The following SCN8A variants were observed in gnomAD, a reference collection of about 807,000 sequenced individuals.
SCN8A encodes sodium voltage-gated channel alpha subunit 8.
SCN8A carries 30 observed loss-of-function variants against 184.1 expected under a neutral mutation model. The ratio of observed to expected loss-of-function variants is 0.16; its 90% CI spans 0.12 to 0.22. The LOEUF is 0.22. Ranked by LOEUF, SCN8A falls within the 10% of genes least tolerant of loss-of-function variation. The pLI, the probability that SCN8A is intolerant of heterozygous loss-of-function variation, is 1.00. For synonymous variants in SCN8A, 852 were observed against 907.0 expected, an observed-to-expected ratio of 0.94 and a Z score of 1.09; for missense variants, 1,057 against 2,498.9, an observed-to-expected ratio of 0.42 and a Z score of 12.30.
At chr12:51,635,440 G>A (rs1179123622) in intron 1 of SCN8A, among the ~76,000 whole-genome samples, 1 of 149,774 alleles carries the variant, frequency 6.7e-6, no homozygotes, top group Non-Finnish European at 1.5e-5. Context: ...CACAATGTCT[G>A]ACACATAGAA....
intron 5 of SCN8A, 72 bp downstream of exon 5, chr12:51,687,291 T>G: frequency 1.4e-5 from 22 of 1,559,216 alleles, no homozygotes; most frequent in Non-Finnish European, 1.9e-5. Context: ...CTGGGTCTGT[T>G]TGTAGGTGTG....
chr12:51,618,277 G>T (rs1227224422), intron 1 of SCN8A, among the ~76,000 whole-genome samples: 1 of 152,058 alleles, frequency 6.6e-6, no homozygotes, highest in East Asian at 1.9e-4. Flanking sequence ...TAGGGCAGGA[G>T]AGAGCAGGAA....
chr12:51,689,279 G>C, intron 6 of SCN8A, 183 bp downstream of exon 6: 1 of 591,610 alleles, frequency 1.7e-6, no homozygotes, highest in Non-Finnish European at 3.0e-6. Context: ...CTGAGTGCTT[G>C]CCAGGCATGC....
At chr12:51,655,427 G>C (rs772926637) in intron 1 of SCN8A, among the ~76,000 whole-genome samples, 2 of 151,508 alleles carry the variant, frequency 1.3e-5, no homozygotes, top group African/African-American at 2.4e-5. Flanking sequence ...TGTCACCCAG[G>C]CTGTAGTGCA....
intron 1 of SCN8A, among the ~76,000 whole-genome samples, chr12:51,644,320 G>A (rs529695502): frequency 2.0e-5 from 3 of 152,272 alleles, no homozygotes; most frequent in East Asian, 3.9e-4. Context: ...ACTGTGGGAC[G>A]TAGAGCAAAG....
intron 19 of SCN8A, among the ~76,000 whole-genome samples, chr12:51,772,395 CAA>C (rs67083627): frequency 0.86 from 121,224 of 141,642 alleles, 51,685 homozygotes; most frequent in East Asian, 0.97. Flanking sequence ...AACTCCATCT[CAA>C]AAAAAAAAAA....
intron 2 of SCN8A, among the ~76,000 whole-genome samples, chr12:51,675,520 T>C (rs1039526690): frequency 1.3e-5 from 2 of 152,148 alleles, no homozygotes; most frequent in Non-Finnish European, 2.9e-5. Flanking sequence ...GATTCGTTCA[T>C]TGATCTGAGG....
chr12:51,800,834 C>T (rs113851522), intron 26 of SCN8A, among the ~76,000 whole-genome samples: 1,812 of 152,274 alleles, frequency 0.012, 19 homozygotes, highest in Non-Finnish European at 0.017. Context: ...GGTAAAAGAC[C>T]GGAGGTCTCC....
Position 51,639,297 on chromosome 12 carries a change from C to A in SCN8A, c.-54-23467C>A, listed in dbSNP as rs963873784. ...GTCGTTTCCTGAGATGGAATCTCCT[C>A]CTGGTGAAGATGCTGTGAGGATTGT... On this transcript the variant is annotated intron_variant, in intron 1 of 26. Coordinates refer to ENST00000627620, the MANE Select transcript of SCN8A (RefSeq NM_001330260.2). 9.2e-5 allele frequency among the ~76,000 whole-genome samples: 14 copies of A among 152,296 alleles called. No individual in the cohort carries two copies. The East Asian group carries it at 2.7e-3, about 29-fold the overall frequency.
chr12:51,721,697 G>C lies in SCN8A; in HGVS notation c.1787G>C (p.Gly596Ala), dbSNP rs879267224. The C allele has an allele frequency of 6.3e-7, 1 of 1,590,272 alleles. No individual in the cohort carries two copies. The highest frequency in any genetic ancestry group is 8.6e-7 in the Non-Finnish European group (1 of 1,168,506). ...CACAGCACGGTGGAGGAGAGCGAGG[G>C]CCGCCGGGACTCCCTCTTCATCCCC... ...DEHSTVEESE[G>A]RRDSLFIPIR... Residue 596 changes from glycine (G) to alanine (A), a missense_variant, in exon 12 of 27, where the codon GGC (glycine) becomes GCC (alanine). This residue lies in a region of SCN8A where 322 missense variants were observed against 390.1 expected (regional missense o/e 0.83). Coordinates refer to ENST00000627620, the MANE Select transcript of SCN8A (RefSeq NM_001330260.2).
chr12:51,695,214 C>A (rs910226718), intron 6 of SCN8A, among the ~76,000 whole-genome samples: 2 of 152,026 alleles, frequency 1.3e-5, no homozygotes, highest in Non-Finnish European at 2.9e-5. Context: ...TTTATCTGAC[C>A]CTCTGTGAAG....
rs1267885885 is a variant in SCN8A at position 51,769,026 on chromosome 12, C to A, written c.3063C>A (p.Ala1021=). Residue 1021 remains alanine (A), a synonymous_variant, in exon 17 of 27, where the codon GCC becomes GCA. Coordinates refer to ENST00000627620, the MANE Select transcript of SCN8A (RefSeq NM_001330260.2). ...TAAAGGTGCACGCCTTCATGCAGGC[C>A]CACTTTAAGCAGCGTGAGGCTGATG... ...TKLKVHAFMQ[A]HFKQREADEV... 5 of 1,613,944 alleles carry A rather than the reference C, an allele frequency of 3.1e-6. No homozygotes were observed. Among genetic ancestry groups the A allele is most frequent in the Non-Finnish European group, 3.4e-6 (4 of 1,179,876 alleles).
At chr12:51,673,841 A>G (rs903869706) in intron 2 of SCN8A, among the ~76,000 whole-genome samples, 2 of 152,224 alleles carry the variant, frequency 1.3e-5, no homozygotes, top group Non-Finnish European at 2.9e-5. Flanking sequence ...AGTAAGTACA[A>G]GTGTTATAGG....
At chr12:51,666,324 C>T (rs756527698) in intron 2 of SCN8A, among the ~76,000 whole-genome samples, 1 of 152,150 alleles carries the variant, frequency 6.6e-6, no homozygotes, top group East Asian at 1.9e-4. Context: ...TAAGAAACAA[C>T]AAGAAGATCA....
intron 25 of SCN8A, among the ~76,000 whole-genome samples, chr12:51,793,431 T>TA (rs913116613): frequency 1.3e-5 from 2 of 152,016 alleles, no homozygotes; most frequent in African/African-American, 4.8e-5. Context: ...TTGAGATGCT[T>TA]ATGAGTCATC....
chr12:51,785,855 C>T (rs1356278349), intron 21 of SCN8A, among the ~76,000 whole-genome samples: 1 of 152,120 alleles, frequency 6.6e-6, no homozygotes, highest in Non-Finnish European at 1.5e-5. Context: ...ATTAGCCAAG[C>T]AGGGAGCGAC....
intron 12 of SCN8A, among the ~76,000 whole-genome samples, chr12:51,734,360 C>G (rs955241176): frequency 6.6e-6 from 1 of 152,222 alleles, no homozygotes; most frequent in African/African-American, 2.4e-5. Flanking sequence ...TTATTAGTAG[C>G]AAACCAGTCA....
intron 1 of SCN8A, among the ~76,000 whole-genome samples, chr12:51,635,967 A>G (rs143243335): frequency 6.4e-4 from 97 of 152,264 alleles, no homozygotes; most frequent in Non-Finnish European, 3.7e-4. Flanking sequence ...CCTTTCCCCA[A>G]AGATAACTAC....
intron 6 of SCN8A, among the ~76,000 whole-genome samples, chr12:51,693,669 T>C (rs1941547382): frequency 6.6e-6 from 1 of 151,674 alleles, no homozygotes; most frequent in Non-Finnish European, 1.5e-5. Context: ...TAAATAAATA[T>C]TATCATGAGG....
Sources: gnomAD v4.1 joint callset for allele counts (sites outside exome capture counted in the v4.1 genomes callset) on GRCh38, gnomAD v4.1.1 for gene constraint, gnomAD v4.1.1 regional missense constraint, MANE v1.5 for transcripts, NCBI Gene and HGNC (gene_info 2026-07-23, HGNC 2026-07-21) for gene names.